TIAM1: variants seen among roughly 807,000 people sequenced by gnomAD.
The protein encoded by TIAM1 is TIAM Rac1 associated GEF 1.
In TIAM1, 65 loss-of-function variants were observed where a neutral mutation model predicts 163.5. The ratio of observed to expected loss-of-function variants is 0.40; its 90% CI spans 0.33 to 0.49. The LOEUF (loss-of-function observed/expected upper bound fraction) is 0.49, where lower values mean the gene tolerates loss of function less well. Ranked by LOEUF, TIAM1 falls within the 20% of genes least tolerant of loss-of-function variation. The pLI is 0.77. For missense variants in TIAM1, 1,789 were observed against 2,044.7 expected, an observed-to-expected ratio of 0.87 and a Z score of 2.41; for synonymous variants, 833 against 810.1, an observed-to-expected ratio of 1.03 and a Z score of -0.48.
chr21:31,118,426 GTTA>G lies in TIAM1; in HGVS notation c.*1939_*1941del, dbSNP rs2081882333. 5.6e-6 allele frequency: 2 copies of G among 357,488 alleles called. No homozygotes were observed. The highest frequency in any genetic ancestry group is 1.1e-5 in the Non-Finnish European group (2 of 176,552). 22.1% of individuals were successfully genotyped at this position (357,488 alleles called of 1,614,324 possible). A position where few individuals can be genotyped will look rare whatever the true frequency, so the allele number is the denominator to read the frequency against. ...GCATAGAACCGCCCAGACACTTTTC[GTTA>G]TTTTTATTGTTTGACAAGCATTTAC... On this transcript the variant is annotated 3_prime_UTR_variant, in exon 28 of 28. Transcript: ENST00000541036.
At chr21:31,137,385 AG>A (rs2082662497) in intron 22 of TIAM1, among the ~76,000 whole-genome samples, 1 of 152,232 alleles carries the variant, frequency 6.6e-6, no homozygotes, top group Non-Finnish European at 1.5e-5. Flanking sequence ...ATTTTTAAGC[AG>A]CCATATTATT....
At chr21:31,354,803 C>G (rs1198707688) in intron 2 of TIAM1, among the ~76,000 whole-genome samples, 5 of 152,164 alleles carry the variant, frequency 3.3e-5, no homozygotes, top group Non-Finnish European at 7.3e-5. Flanking sequence ...CTCTCAGATG[C>G]CTGGTTTCTG....
chr21:31,536,153 C>G (rs1254963335), intron 1 of TIAM1, among the ~76,000 whole-genome samples: 5 of 152,184 alleles, frequency 3.3e-5, no homozygotes, highest in Admixed American at 2.0e-4. Context: ...TTCAAAGCAT[C>G]TACAGGAATC....
At chr21:31,150,497 C>A (rs1371117121) in intron 19 of TIAM1, among the ~76,000 whole-genome samples, 2 of 152,082 alleles carry the variant, frequency 1.3e-5, no homozygotes, top group Admixed American at 6.6e-5. Context: ...ACAGCCATTG[C>A]AACAAACAGG....
chr21:31,240,971 G>A (rs1229508401), intron 6 of TIAM1, among the ~76,000 whole-genome samples: 3 of 152,150 alleles, frequency 2.0e-5, no homozygotes, highest in Admixed American at 1.3e-4. Flanking sequence ...ATGGGTGCAG[G>A]TCTTTCCATG....
intron 1 of TIAM1, among the ~76,000 whole-genome samples, chr21:31,536,715 C>T (rs577747641): frequency 9.2e-5 from 14 of 152,246 alleles, no homozygotes; most frequent in South Asian, 6.2e-4. Flanking sequence ...GGCATGGGCA[C>T]GAGCCCTATG....
chr21:31,353,681 T>A (rs2076269673), intron 2 of TIAM1, among the ~76,000 whole-genome samples: 3 of 152,024 alleles, frequency 2.0e-5, no homozygotes, highest in Non-Finnish European at 4.4e-5. Context: ...ACTCAACAAG[T>A]AAGAGGCAGG....
chr21:31,202,546 G>A (rs530386914), intron 12 of TIAM1, among the ~76,000 whole-genome samples: 12 of 152,148 alleles, frequency 7.9e-5, no homozygotes, highest in African/African-American at 1.7e-4. Flanking sequence ...ATCCAGCCTC[G>A]GTGACAGAGT....
At chr21:31,302,836 A>G (rs779738005) in intron 2 of TIAM1, among the ~76,000 whole-genome samples, 1 of 152,246 alleles carries the variant, frequency 6.6e-6, no homozygotes, top group Non-Finnish European at 1.5e-5. Context: ...TTCTGGAGCT[A>G]TTTTCCTAAT....
At chr21:31,381,485 T>C (rs887493441) in intron 2 of TIAM1, among the ~76,000 whole-genome samples, 1 of 152,020 alleles carries the variant, frequency 6.6e-6, no homozygotes, top group Non-Finnish European at 1.5e-5. Context: ...CTGGCCAACA[T>C]GGTGAATCCC....
intron 2 of TIAM1, among the ~76,000 whole-genome samples, chr21:31,397,559 A>C (rs2077094105): frequency 6.6e-6 from 1 of 152,226 alleles, no homozygotes; most frequent in South Asian, 2.1e-4. Flanking sequence ...TCCTGGTTTA[A>C]GTTGCCCAAT....
chr21:31,301,959 G>A (rs892088641), intron 2 of TIAM1, among the ~76,000 whole-genome samples: 3 of 150,436 alleles, frequency 2.0e-5, no homozygotes, highest in Non-Finnish European at 4.4e-5. Context: ...AAATGTGTGT[G>A]TATATATGTG....
intron 15 of TIAM1, among the ~76,000 whole-genome samples, chr21:31,168,806 T>C (rs1374975586): frequency 6.6e-6 from 1 of 152,090 alleles, no homozygotes; most frequent in Admixed American, 6.5e-5. Context: ...AATGATGATA[T>C]CATATAATAC....
intron 16 of TIAM1, among the ~76,000 whole-genome samples, chr21:31,159,284 G>T (rs759714931): frequency 6.6e-6 from 1 of 152,080 alleles, no homozygotes; most frequent in African/African-American, 2.4e-5. Context: ...TGAGACCAGC[G>T]TGATGCTCAA....
chr21:31,239,019 C>G (rs1311501587), intron 6 of TIAM1, among the ~76,000 whole-genome samples: 1 of 152,190 alleles, frequency 6.6e-6, no homozygotes, highest in Non-Finnish European at 1.5e-5. Flanking sequence ...TAAAACATAG[C>G]CACCGATCTC....
intron 2 of TIAM1, among the ~76,000 whole-genome samples, chr21:31,298,196 G>A (rs1222411217): frequency 6.6e-6 from 1 of 152,104 alleles, no homozygotes; most frequent in Non-Finnish European, 1.5e-5. Flanking sequence ...CCGCCACCCT[G>A]CCTTCCAATA....
chr21:31,213,568 A>T lies in TIAM1; in HGVS notation c.2143-96T>A, dbSNP rs531374531. ...AGGAAATGGGCATGGCTATGACAAAACCTTACACACGTGTTCAGATACTCC... is the reference window on the plus strand; with the variant it reads ...AGGAAATGGGCATGGCTATGACAAATCCTTACACACGTGTTCAGATACTCC... On this transcript the variant is annotated intron_variant, in intron 9 of 27. Coordinates refer to ENST00000541036, the MANE Select transcript of TIAM1 (RefSeq NM_001353694.2). 106 of 988,514 alleles carry T rather than the reference A, an allele frequency of 1.1e-4. 1 individual carries two copies. In the South Asian group the frequency reaches 1.4e-3, roughly 13 times the overall value. The allele number at this position is 988,514 out of a possible 1,614,324, so 61.2% of individuals were successfully genotyped here.
chr21:31,442,804 G>A (rs1188595761), intron 2 of TIAM1, among the ~76,000 whole-genome samples: 1 of 152,172 alleles, frequency 6.6e-6, no homozygotes, highest in Non-Finnish European at 1.5e-5. Context: ...TTATTGTCAA[G>A]GTAGGGCTCT....
chr21:31,238,968 T>C (rs1020588591), intron 6 of TIAM1, among the ~76,000 whole-genome samples: 1 of 152,158 alleles, frequency 6.6e-6, no homozygotes, highest in South Asian at 2.1e-4. Context: ...AAGAATTACA[T>C]GTGACTCACA....
Sources: allele counts gnomAD v4.1 joint callset (sites outside exome capture counted in the v4.1 genomes callset), GRCh38; gene constraint gnomAD v4.1.1; transcripts MANE v1.5; gene names NCBI Gene and HGNC (gene_info 2026-07-23, HGNC 2026-07-21).